Variants in UBE2L3 observed in about 807,000 individuals in gnomAD.
UBE2L3 encodes the protein ubiquitin-conjugating enzyme E2 L3.
In UBE2L3, 1 loss-of-function variant was observed where a neutral mutation model predicts 17.8. The ratio of observed to expected loss-of-function variants is 0.06; its 90% CI spans 0.02 to 0.27. UBE2L3 has a LOEUF of 0.27. Among genes scored for constraint, UBE2L3 ranks in the 10% least tolerant of loss-of-function variants. The pLI, the probability that UBE2L3 is intolerant of heterozygous loss-of-function variation, is 1.00. For missense variants in UBE2L3, 40 were observed against 192.6 expected (o/e 0.21, Z 4.69); for synonymous variants, 44 against 68.5 (o/e 0.64, Z 1.76).
rs1168803256 is a variant in UBE2L3 at position 21,622,345 on chromosome 22, T to C, written c.*676T>C. ...AATTGGGCAAGCCCTGATGTCAGTGTGTGTAACTGACCTCTGGCCTGGCCT... is the reference window on the plus strand; with the variant it reads ...AATTGGGCAAGCCCTGATGTCAGTGCGTGTAACTGACCTCTGGCCTGGCCT... On this transcript the variant is annotated 3_prime_UTR_variant, in exon 4 of 4. Transcript: ENST00000342192. The C allele has an allele frequency of 1.3e-5, 2 of 152,996 alleles. No homozygotes were observed. Among genetic ancestry groups the C allele is most frequent in the Non-Finnish European group, 2.9e-5 (2 of 68,296 alleles). 9.5% of individuals were successfully genotyped at this position (152,996 alleles called of 1,614,324 possible). A position where few individuals can be genotyped will look rare whatever the true frequency, so the allele number is the denominator to read the frequency against.
intron 1 of UBE2L3, among the ~76,000 whole-genome samples, chr22:21,572,202 A>C (rs1477949599): frequency 1.3e-5 from 2 of 152,044 alleles, no homozygotes; most frequent in Non-Finnish European, 2.9e-5. Context: ...TGGGAGGCCG[A>C]GGTGGGCGGA....
At chr22:21,611,395 T>G (rs749609948) in intron 3 of UBE2L3, among the ~76,000 whole-genome samples, 17 of 151,886 alleles carry the variant, frequency 1.1e-4, no homozygotes, top group Non-Finnish European at 2.2e-4. Context: ...GAGAGTGGGA[T>G]TTAAGGTGGC....
At chr22:21,576,556 C>G (rs1232328495) in intron 1 of UBE2L3, among the ~76,000 whole-genome samples, 1 of 151,988 alleles carries the variant, frequency 6.6e-6, no homozygotes, top group African/African-American at 2.4e-5. Context: ...CCTCGGTCTC[C>G]CAAAGTGCTG....
At chr22:21,599,639 A>T (rs575687796) in intron 2 of UBE2L3, among the ~76,000 whole-genome samples, 1 of 152,218 alleles carries the variant, frequency 6.6e-6, no homozygotes, top group Non-Finnish European at 1.5e-5. Flanking sequence ...ATGAAAAAAT[A>T]TAGGCAGTGT....
In UBE2L3 at chr22:21,603,529, TAAA is replaced by T. The variant is rs780658850; in HGVS notation, c.124-7306_124-7304del. 2.0e-4 allele frequency among the ~76,000 whole-genome samples: 16 copies of T among 79,978 alleles called. No individual in the cohort carries two copies. The South Asian group carries it at 4.5e-3, about 23-fold the overall frequency. 52.5% of individuals were successfully genotyped at this position (79,978 alleles called of 152,430 possible). Reference sequence around the variant, plus strand: ...TGGGTGACAGAGCGAGACTCTGTCTTAAAAAAAAAAAAAAAAAAAAAAAAGACA... The same window carrying T: ...TGGGTGACAGAGCGAGACTCTGTCTTAAAAAAAAAAAAAAAAAAAAAGACA... On this transcript the variant is annotated intron_variant, in intron 2 of 3. Transcript: ENST00000342192.
intron 1 of UBE2L3, among the ~76,000 whole-genome samples, chr22:21,582,127 A>T (rs555447093): frequency 6.6e-6 from 1 of 150,886 alleles, no homozygotes; most frequent in African/African-American, 2.4e-5. Flanking sequence ...CTCAAAAAAA[A>T]AAACAAAAAA....
intron 2 of UBE2L3, among the ~76,000 whole-genome samples, chr22:21,598,850 CTT>C (rs58077207): frequency 6.7e-6 from 1 of 148,572 alleles, no homozygotes; most frequent in Non-Finnish European, 1.5e-5. Flanking sequence ...AGTTCCATTT[CTT>C]TTTTTTTTGA....
intron 1 of UBE2L3, among the ~76,000 whole-genome samples, chr22:21,586,390 CGA>C (rs987497178): frequency 2.0e-5 from 3 of 152,028 alleles, no homozygotes; most frequent in African/African-American, 7.2e-5. Flanking sequence ...CTCAGCCTCC[CGA>C]GTAGCTGAGA....
At chr22:21,555,932 A>G (rs1361602072) in intron 1 of UBE2L3, among the ~76,000 whole-genome samples, 1 of 152,018 alleles carries the variant, frequency 6.6e-6, no homozygotes, top group Non-Finnish European at 1.5e-5. Context: ...ACTCCATCTC[A>G]AAGAGAAATA....
intron 3 of UBE2L3, among the ~76,000 whole-genome samples, chr22:21,618,804 C>T (rs1409263480): frequency 6.6e-6 from 1 of 152,026 alleles, no homozygotes; most frequent in Non-Finnish European, 1.5e-5. Context: ...GTTGCCCAGG[C>T]CAGTCTCAGA....
rs373632463 is a variant in UBE2L3, at chr22:21,576,340, C to T, written c.27+8569C>T. On this transcript the variant is annotated intron_variant, in intron 1 of 3. Transcript: ENST00000342192. ...TGAGATGGAATCTTGCTCTGGCGCCCATGCTGGAGTGCAGTGGTGCGATCT... is the reference window on the plus strand; with the variant it reads ...TGAGATGGAATCTTGCTCTGGCGCCTATGCTGGAGTGCAGTGGTGCGATCT... Among the ~76,000 whole-genome samples the T allele has an allele frequency of 1.1e-4, 16 of 151,752 alleles. 1 individual carries two copies. In the South Asian group the frequency reaches 3.1e-3, roughly 30 times the overall value.
intron 1 of UBE2L3, among the ~76,000 whole-genome samples, chr22:21,557,379 A>G (rs924412425): frequency 3.3e-5 from 5 of 152,250 alleles, no homozygotes; most frequent in Non-Finnish European, 5.9e-5. Context: ...ACAACCAAAA[A>G]AACGAAAAAC....
chr22:21,561,631 G>C (rs1408149140), intron 1 of UBE2L3, among the ~76,000 whole-genome samples: 1 of 152,298 alleles, frequency 6.6e-6, no homozygotes, highest in Non-Finnish European at 1.5e-5. Context: ...TTACCTAAGG[G>C]AGCATGATAA....
At chr22:21,551,999 A>G (rs950961696) in intron 1 of UBE2L3, among the ~76,000 whole-genome samples, 4 of 61,000 alleles carry the variant, frequency 6.6e-5, no homozygotes, top group Non-Finnish European at 1.3e-4. Context: ...AAATACACAC[A>G]CACACACACA....
rs1328686145 is a variant in UBE2L3 at position 21,583,072 on chromosome 22, C to T, written c.28-9789C>T. 3.9e-5 allele frequency among the ~76,000 whole-genome samples: 6 copies of T among 152,180 alleles called. No individual in the cohort carries two copies. The East Asian group carries it at 1.2e-3, about 29-fold the overall frequency. ...ATGCACCCTGGCTGAAAGTTCTGGC[C>T]CTGATCATGAGTGCCCTGAGTTGGT... On this transcript the variant is annotated intron_variant, in intron 1 of 3. Transcript: ENST00000342192.
At chr22:21,582,670 C>T (rs1439938387) in intron 1 of UBE2L3, among the ~76,000 whole-genome samples, 4 of 152,084 alleles carry the variant, frequency 2.6e-5, no homozygotes, top group African/African-American at 7.2e-5. Context: ...GGATTACAGG[C>T]GCTTGCCACC....
rs539946154 is a variant in UBE2L3 at position 21,607,299 on chromosome 22, G to A, written c.124-3558G>A. Among the ~76,000 whole-genome samples, 9 of 151,826 alleles carry A rather than the reference G, an allele frequency of 5.9e-5. No homozygotes were observed. In the East Asian group the frequency reaches 1.6e-3, roughly 26 times the overall value. ...AGGCCGGCAGTTCACCTGAGGTCAGGAGTTCAAGACCAGGCTGGCCAACAT... is the reference window on the plus strand; with the variant it reads ...AGGCCGGCAGTTCACCTGAGGTCAGAAGTTCAAGACCAGGCTGGCCAACAT... On this transcript the variant is annotated intron_variant, in intron 2 of 3. Coordinates refer to ENST00000342192, the MANE Select transcript of UBE2L3 (RefSeq NM_003347.4).
At chr22:21,604,749 G>T (rs4821108) in intron 2 of UBE2L3, among the ~76,000 whole-genome samples, 2 of 151,860 alleles carry the variant, frequency 1.3e-5, no homozygotes, top group African/African-American at 4.8e-5. Context: ...ATTTTTGCAT[G>T]CCTCTTTCAC....
chr22:21,567,681 C>T, upstream of UBE2L3: 1 of 1,554,210 alleles, frequency 6.4e-7, no homozygotes, highest in Non-Finnish European at 8.7e-7. Flanking sequence ...CCAGGAAGTG[C>T]GGGGGCTCCA....
Sources: allele counts gnomAD v4.1 joint callset (sites outside exome capture counted in the v4.1 genomes callset), GRCh38; gene constraint gnomAD v4.1.1; transcripts MANE v1.5; gene names NCBI Gene and HGNC (gene_info 2026-07-23, HGNC 2026-07-21).